Variants in PCLO observed in about 807,000 individuals in gnomAD.
PCLO encodes protein piccolo.
PCLO carries 82 observed loss-of-function variants against 427.5 expected under a neutral mutation model. The ratio of observed to expected loss-of-function variants is 0.19; its 90% CI spans 0.16 to 0.23. The LOEUF (loss-of-function observed/expected upper bound fraction) is 0.23, where lower values mean the gene tolerates loss of function less well. Among genes scored for constraint, PCLO ranks in the 10% least tolerant of loss-of-function variants. The probability of loss-of-function intolerance (pLI) is 1.00; values close to 1 mark genes in which losing one functional copy is unlikely to be tolerated. For missense variants in PCLO, 6,239 were observed against 6,115.9 expected, an observed-to-expected ratio of 1.02 and a Z score of -0.67; for synonymous variants, 2,357 against 2,155.4, an observed-to-expected ratio of 1.09 and a Z score of -2.59.
chr7:82,971,536 GATCT>G (rs1795904311), intron 3 of PCLO, among the ~76,000 whole-genome samples: 1 of 146,766 alleles, frequency 6.8e-6, no homozygotes, highest in Admixed American at 6.9e-5. Flanking sequence ...TATAGATATA[GATCT>G]ATCTATATAA....
chr7:82,859,050 T>C (rs1344324650), intron 10 of PCLO, among the ~76,000 whole-genome samples: 1 of 152,120 alleles, frequency 6.6e-6, no homozygotes, highest in Non-Finnish European at 1.5e-5. Context: ...TGGGAAGGAT[T>C]GCGTTTGGTT....
At chr7:82,980,336 G>A (rs767973669) in intron 3 of PCLO, among the ~76,000 whole-genome samples, 23 of 152,180 alleles carry the variant, frequency 1.5e-4, no homozygotes, top group Admixed American at 5.9e-4. Context: ...TGGTGTCACC[G>A]GGAATACATG....
chr7:82,886,139 C>T (rs554712316), intron 9 of PCLO, among the ~76,000 whole-genome samples: 3 of 152,156 alleles, frequency 2.0e-5, no homozygotes, highest in Non-Finnish European at 4.4e-5. Context: ...AGAGAAAATG[C>T]TTTTGGCTTA....
intron 16 of PCLO, among the ~76,000 whole-genome samples, chr7:82,833,117 T>C (rs1562807558): frequency 6.6e-6 from 1 of 152,120 alleles, no homozygotes; most frequent in African/African-American, 2.4e-5. Context: ...TAAAATCTAC[T>C]GAAGTAAAAT....
At chr7:83,128,810 T>C (rs1344451027) in intron 3 of PCLO, among the ~76,000 whole-genome samples, 2 of 152,266 alleles carry the variant, frequency 1.3e-5, no homozygotes, top group Middle Eastern at 3.4e-3. Flanking sequence ...CATTGAACCA[T>C]ATACTTTCAC....
At chr7:83,019,240 C>T (rs1788282744) in intron 3 of PCLO, among the ~76,000 whole-genome samples, 1 of 151,854 alleles carries the variant, frequency 6.6e-6, no homozygotes, top group Non-Finnish European at 1.5e-5. Context: ...AATAGTGTAG[C>T]TATTTTAGCT....
At chr7:83,078,906 A>C (rs1411711937) in intron 3 of PCLO, among the ~76,000 whole-genome samples, 2 of 152,156 alleles carry the variant, frequency 1.3e-5, no homozygotes, top group East Asian at 3.9e-4. Context: ...CCAGCAAATC[A>C]AAGATATAAG....
At chr7:82,963,710 G>A (rs537727888) in intron 4 of PCLO, among the ~76,000 whole-genome samples, 1 of 151,996 alleles carries the variant, frequency 6.6e-6, no homozygotes, top group African/African-American at 2.4e-5. Flanking sequence ...ACCTTTTAAG[G>A]TGATCAAATG....
chr7:83,159,879 G>A (rs748242886), intron 1 of PCLO, among the ~76,000 whole-genome samples: 3 of 152,024 alleles, frequency 2.0e-5, no homozygotes, highest in Non-Finnish European at 4.4e-5. Flanking sequence ...GAAGCAAAGT[G>A]ACTAATTCAA....
chr7:83,131,500 A>AG (rs566742166), intron 3 of PCLO, among the ~76,000 whole-genome samples: 1 of 152,182 alleles, frequency 6.6e-6, no homozygotes, highest in Admixed American at 6.5e-5. Flanking sequence ...CCAAAGGGAG[A>AG]GGGGGCCAGG....
intron 3 of PCLO, among the ~76,000 whole-genome samples, chr7:83,015,448 T>A (rs1788183385): frequency 6.6e-6 from 1 of 152,048 alleles, no homozygotes; most frequent in Non-Finnish European, 1.5e-5. Context: ...AAGTTCCATA[T>A]ATTTTCTTCT....
At chr7:82,835,787 C>T (rs1366385398) in intron 15 of PCLO, 94 bp from the exon 16 acceptor site, 1 of 957,996 alleles carries the variant, frequency 1.0e-6, no homozygotes, top group Non-Finnish European at 1.6e-6. Context: ...AGAAAGAAAA[C>T]ATGAAAATAA....
intron 6 of PCLO, among the ~76,000 whole-genome samples, chr7:82,927,819 T>C (rs1794748682): frequency 1.3e-5 from 2 of 152,180 alleles, no homozygotes; most frequent in African/African-American, 4.8e-5. Context: ...TGTAAGCATT[T>C]TATACCTGCT....
chr7:82,977,624 G>C (rs1583863867), intron 3 of PCLO, among the ~76,000 whole-genome samples: 2 of 151,994 alleles, frequency 1.3e-5, no homozygotes, highest in Non-Finnish European at 1.5e-5. Context: ...ATGTTGGCCA[G>C]GCTGGTCTCA....
chr7:82,901,717 A>T (rs1794044822), intron 9 of PCLO, among the ~76,000 whole-genome samples: 1 of 152,138 alleles, frequency 6.6e-6, no homozygotes, highest in Admixed American at 6.6e-5. Flanking sequence ...ACGAACTCAA[A>T]CAAATTTACA....
chr7:83,154,719 G>C, intron 2 of PCLO, 29 bp downstream of exon 2: 1 of 1,493,326 alleles, frequency 6.7e-7, no homozygotes, highest in Non-Finnish European at 9.3e-7. Flanking sequence ...TGGCTGAAGA[G>C]TATGGACTCA....
chr7:83,152,051 G>A (rs943406055), intron 2 of PCLO, among the ~76,000 whole-genome samples: 89 of 151,376 alleles, frequency 5.9e-4, no homozygotes, highest in African/African-American at 2.0e-3. Flanking sequence ...TGCAAGCTCC[G>A]CCTCCCCGGT....
At chr7:83,081,177 T>C (rs1042813334) in intron 3 of PCLO, among the ~76,000 whole-genome samples, 1 of 152,010 alleles carries the variant, frequency 6.6e-6, no homozygotes, top group Non-Finnish European at 1.5e-5. Flanking sequence ...TAATTTTGTG[T>C]TCTTTTGTTT....
chr7:82,821,504 A>G, intron 20 of PCLO: 1 of 984,680 alleles, frequency 1.0e-6, no homozygotes. Context: ...GGAGAGAACA[A>G]TGATCTATCT....
Sources: gnomAD v4.1 joint callset for allele counts (sites outside exome capture counted in the v4.1 genomes callset) on GRCh38, gnomAD v4.1.1 for gene constraint, MANE v1.5 for transcripts, NCBI Gene and HGNC (gene_info 2026-07-23, HGNC 2026-07-21) for gene names.